The following BFSP1 variants were observed in gnomAD, a reference collection of about 807,000 sequenced individuals.
BFSP1 encodes filensin.
In BFSP1, 38 loss-of-function variants were observed where a neutral mutation model predicts 43.9. The ratio of observed to expected loss-of-function variants is 0.87; its 90% CI spans 0.67 to 1.14. BFSP1 has a LOEUF of 1.14. Ranked by LOEUF, BFSP1 falls within the 50% of genes most tolerant of loss-of-function variation. The pLI is 0.00. For synonymous variants in BFSP1, 352 were observed against 354.8 expected (o/e 0.99, Z 0.09); for missense variants, 850 against 875.1 (o/e 0.97, Z 0.36).
chr20:17,497,582 GT>G, intron 6 of BFSP1, among the ~76,000 whole-genome samples: 1 of 124,602 alleles, frequency 8.0e-6, no homozygotes, highest in South Asian at 2.4e-4. Flanking sequence ...GTATATATAC[GT>G]ATATATATAC....
chr20:17,527,272 C>T (rs1484072421), intron 1 of BFSP1, among the ~76,000 whole-genome samples: 1 of 152,182 alleles, frequency 6.6e-6, no homozygotes, highest in Non-Finnish European at 1.5e-5. Flanking sequence ...GTATAATTAG[C>T]TTTGAGAATA....
chr20:17,531,337 C>A lies in BFSP1; in HGVS notation c.-8G>T. The A allele has an allele frequency of 7.2e-7, 1 of 1,397,898 alleles. No homozygotes were observed. Among genetic ancestry groups the A allele is most frequent in the South Asian group, 1.5e-5 (1 of 66,232 alleles). The allele number at this position is 1,397,898 out of a possible 1,614,324, so 86.6% of individuals were successfully genotyped here. ...GTAGCTGCGCCGGTACATGGCTGCT[C>A]TGGCGCGGGCGCGCGGGCGGCGCCG... On this transcript the variant is annotated 5_prime_UTR_variant, in exon 1 of 8. Transcript: ENST00000377873.
chr20:17,562,902 T>C (rs1264684374), upstream of BFSP1: 2 of 152,234 alleles, frequency 1.3e-5, no homozygotes, highest in African/African-American at 4.8e-5. Context: ...AGAATGTATT[T>C]TCTACAGCTT....
At chr20:17,511,394 A>G (rs1224682316) in intron 4 of BFSP1, among the ~76,000 whole-genome samples, 1 of 152,236 alleles carries the variant, frequency 6.6e-6, no homozygotes, top group African/African-American at 2.4e-5. Flanking sequence ...TCTGTATTTG[A>G]AATTCATTAT....
chr20:17,517,703 A>T (rs576450606), intron 2 of BFSP1, among the ~76,000 whole-genome samples: 30 of 152,234 alleles, frequency 2.0e-4, no homozygotes, highest in Non-Finnish European at 3.5e-4. Context: ...GTCATCATGT[A>T]ATCAATAAGT....
intron 2 of BFSP1, among the ~76,000 whole-genome samples, chr20:17,521,855 CCCT>C (rs147765755): frequency 2.1e-3 from 316 of 152,160 alleles, no homozygotes; most frequent in Non-Finnish European, 3.4e-3. Context: ...CGGCTGGGGT[CCCT>C]CTGAGGGACC....
chr20:17,564,597 C>CT (rs371946813), intron 1 of BFSP1, among the ~76,000 whole-genome samples: 11 of 150,800 alleles, frequency 7.3e-5, no homozygotes, highest in East Asian at 1.9e-4. Context: ...TCTTCTTCTT[C>CT]TTTTTTTTTG....
intron 3 of BFSP1, among the ~76,000 whole-genome samples, chr20:17,513,957 GTT>G (rs2034143288): frequency 6.6e-6 from 1 of 152,176 alleles, no homozygotes; most frequent in Non-Finnish European, 1.5e-5. Flanking sequence ...ATCAGTTCTG[GTT>G]GAGGCTGCTC....
chr20:17,551,028 T>C (rs1193926847), intron 1 of BFSP1, among the ~76,000 whole-genome samples: 1 of 152,034 alleles, frequency 6.6e-6, no homozygotes, highest in Non-Finnish European at 1.5e-5. Flanking sequence ...AGGTAGGCAG[T>C]TCAGGGCGAG....
upstream of BFSP1, among the ~76,000 whole-genome samples, chr20:17,563,312 G>A (rs1393730142): frequency 6.6e-6 from 1 of 152,080 alleles, no homozygotes; most frequent in Admixed American, 6.5e-5. Context: ...ATAGTACAGG[G>A]TATGTGGTCT....
intron 1 of BFSP1, among the ~76,000 whole-genome samples, chr20:17,564,091 G>C (rs1363560065): frequency 2.6e-5 from 4 of 151,964 alleles, no homozygotes; most frequent in Admixed American, 2.6e-4. Context: ...CCAATACTTT[G>C]GGAGGCGGAG....
Position 17,531,159 on chromosome 20 carries a change from C to A in BFSP1, c.171G>T (p.Arg57=). 7.7e-7 allele frequency: 1 copy of A among 1,299,712 alleles called. No homozygotes were observed. Among genetic ancestry groups the A allele is most frequent in the Non-Finnish European group, 9.7e-7 (1 of 1,026,784 alleles). 80.5% of individuals were successfully genotyped at this position (1,299,712 alleles called of 1,614,324 possible). ...CATGGCGCTGCTCGAGGGCGCGGGC[C>A]CGCTGGACGTGGGCGGCCACGCGCT... ...LGERVAAHVQ[R]ARALEQRHAG... is the part of the protein sequence containing the mutation. The change falls in exon 1 of 8, where the codon CGG becomes CGT. Residue 57 remains arginine, a synonymous_variant. Coordinates refer to ENST00000377873, the MANE Select transcript of BFSP1 (RefSeq NM_001195.5).
intron 2 of BFSP1, among the ~76,000 whole-genome samples, chr20:17,515,436 G>A (rs907446717): frequency 6.6e-6 from 1 of 152,176 alleles, no homozygotes; most frequent in Non-Finnish European, 1.5e-5. Flanking sequence ...CATTTACCTT[G>A]AGAAGATGCA....
intron 1 of BFSP1, among the ~76,000 whole-genome samples, chr20:17,545,705 C>T (rs6111559): frequency 6.6e-6 from 1 of 152,234 alleles, no homozygotes; most frequent in East Asian, 1.9e-4. Context: ...AACAGAAAAC[C>T]TAGATGTCCC....
intron 1 of BFSP1, among the ~76,000 whole-genome samples, chr20:17,567,861 CAAAAA>C (rs796434004): frequency 1.7e-5 from 1 of 58,326 alleles, no homozygotes; most frequent in Non-Finnish European, 3.6e-5. Flanking sequence ...AACTCAGTCT[CAAAAA>C]AAAAAAAAAA....
chr20:17,497,584 A>ATATATG (rs2033679166), intron 6 of BFSP1, among the ~76,000 whole-genome samples: 3 of 15,626 alleles, frequency 1.9e-4, no homozygotes, highest in African/African-American at 5.6e-4. Flanking sequence ...ATATATACGT[A>ATATATG]TATATATACG....
Position 17,514,776 on chromosome 20 carries a change from A to C in BFSP1, c.479T>G (p.Leu160Arg). The change falls in exon 3 of 8, where the codon CTG (leucine) becomes CGG (arginine). Residue 160 changes from leucine (L) to arginine (R), a missense_variant. Coordinates refer to ENST00000377873, the MANE Select transcript of BFSP1 (RefSeq NM_001195.5). ...EALLHNLRLQ[L>R]EAQFLQDDIS... The stretch of plus-strand genomic sequence containing the variant: ...ATCATCTTGCAGAAATTGGGCTTCC[A>C]GCTGAAGGCGTAGGTTATGCAGCAA... The C allele has an allele frequency of 6.2e-7, 1 of 1,614,054 alleles. No homozygotes were observed. The highest frequency in any genetic ancestry group is 1.1e-5 in the South Asian group (1 of 91,078).
At chr20:17,565,075 C>T (rs2035104747) in intron 1 of BFSP1, among the ~76,000 whole-genome samples, 1 of 151,964 alleles carries the variant, frequency 6.6e-6, no homozygotes, top group Non-Finnish European at 1.5e-5. Flanking sequence ...AAAAAATGAC[C>T]ATCACCCCTG....
chr20:17,537,859 T>C (rs1192435974), intron 1 of BFSP1, among the ~76,000 whole-genome samples: 3 of 152,152 alleles, frequency 2.0e-5, no homozygotes, highest in African/African-American at 7.2e-5. Flanking sequence ...GGCTCACCCC[T>C]GTAATCCCAG....
Sources: allele counts gnomAD v4.1 joint callset (sites outside exome capture counted in the v4.1 genomes callset), GRCh38; gene constraint gnomAD v4.1.1; transcripts MANE v1.5; gene names NCBI Gene and HGNC (gene_info 2026-07-23, HGNC 2026-07-21).